Variants in MYO1E observed in about 807,000 individuals in gnomAD.
MYO1E encodes unconventional myosin-Ie.
Under a neutral mutation model 151.1 loss-of-function variants are expected in MYO1E, and 68 were observed. That is an observed-to-expected ratio of 0.45 (90% CI 0.37 to 0.55). MYO1E has a LOEUF of 0.55. Among genes scored for constraint, MYO1E ranks in the 20% least tolerant of loss-of-function variants. The pLI is 0.00. For synonymous variants in MYO1E, 601 were observed against 501.7 expected (o/e 1.20, Z -2.64); for missense variants, 1,363 against 1,389.3 (o/e 0.98, Z 0.30).
At chr15:59,169,292 A>C (rs764694787) in intron 22 of MYO1E, among the ~76,000 whole-genome samples, 20 of 152,256 alleles carry the variant, frequency 1.3e-4, no homozygotes, top group Non-Finnish European at 2.5e-4. Context: ...TTTTTCCTGA[A>C]GTACAAGCCA....
At chr15:59,141,564 C>T (rs1596338969) in intron 26 of MYO1E, among the ~76,000 whole-genome samples, 1 of 152,062 alleles carries the variant, frequency 6.6e-6, no homozygotes, top group Non-Finnish European at 1.5e-5. Flanking sequence ...CTTGGGAGGC[C>T]AAGGCGGGTG....
rs2140309257 is a variant in MYO1E at position 59,158,386 on chromosome 15, TAAAC to T, written c.2786-11_2786-8del. 1 of 1,550,610 alleles carries T rather than the reference TAAAC, an allele frequency of 6.4e-7. No homozygotes were observed. Among genetic ancestry groups the T allele is most frequent in the Non-Finnish European group, 8.7e-7 (1 of 1,144,264 alleles). On this transcript the variant is annotated splice_polypyrimidine_tract_variant and splice_region_variant and intron_variant, in intron 24 of 27. Coordinates refer to ENST00000288235, the MANE Select transcript of MYO1E (RefSeq NM_004998.4). ...GTGTTCCTTCTGGTAGGACCTGAAA[TAAAC>T]AAGACAAAGTTAAAACCAGTGCTAC... is the stretch of plus-strand genomic sequence containing the variant.
At position 59,178,385 on chromosome 15, in the gene MYO1E, G is replaced by A. The variant is rs774617133; in HGVS notation, c.2049+8C>T. 10 of 1,614,114 alleles carry A rather than the reference G, an allele frequency of 6.2e-6. No homozygotes were observed. Among genetic ancestry groups the A allele is most frequent in the Non-Finnish European group, 8.5e-6 (10 of 1,179,950 alleles). On this transcript the variant is annotated splice_region_variant and intron_variant, in intron 19 of 27. Coordinates refer to ENST00000288235, the MANE Select transcript of MYO1E (RefSeq NM_004998.4). ...GGGAAGAGAGTGGAGAGCCAGCCAA[G>A]CACTCACAGACTCGGGGGCTTTGAT...
At chr15:59,139,495 A>C (rs1196668317) in intron 26 of MYO1E, among the ~76,000 whole-genome samples, 58 of 81,368 alleles carry the variant, frequency 7.1e-4, no homozygotes, top group African/African-American at 1.4e-3. Context: ...CTTCTTTCCC[A>C]CCCCCTTATT....
chr15:59,183,793 T>C (rs1336908171), intron 18 of MYO1E, among the ~76,000 whole-genome samples: 1 of 152,148 alleles, frequency 6.6e-6, no homozygotes, highest in Non-Finnish European at 1.5e-5. Flanking sequence ...TTCTATTTTT[T>C]TGTATGCATT....
intron 7 of MYO1E, among the ~76,000 whole-genome samples, chr15:59,225,654 T>TC (rs1316722945): frequency 6.7e-5 from 10 of 150,236 alleles, no homozygotes; most frequent in Non-Finnish European, 3.0e-5. Flanking sequence ...TCTTTTCTTT[T>TC]TTTTTTTTTT....
rs777581453 is a variant in MYO1E at position 59,223,015 on chromosome 15, G to C, written c.910+44C>G. The C allele has an allele frequency of 6.8e-6, 11 of 1,612,498 alleles. 1 individual carries two copies. ...AAGTGCTAGGTTACTTCTAATCAGA[G>C]CTAGCCACCCCTCATTCAATGGCCA... On this transcript the variant is annotated intron_variant, in intron 9 of 27. Transcript: ENST00000288235.
At chr15:59,224,478 T>C (rs2079976404) in intron 8 of MYO1E, among the ~76,000 whole-genome samples, 1 of 152,198 alleles carries the variant, frequency 6.6e-6, no homozygotes, top group Non-Finnish European at 1.5e-5. Flanking sequence ...TCATTTCTTT[T>C]TACCCATCTC....
chr15:59,207,727 C>A (rs756717049), intron 14 of MYO1E: 1 of 1,614,100 alleles, frequency 6.2e-7, no homozygotes, highest in Non-Finnish European at 8.5e-7. Context: ...TTTGAAGGAT[C>A]TGAACTCTGA....
chr15:59,293,697 G>A (rs1250202129), intron 1 of MYO1E, among the ~76,000 whole-genome samples: 1 of 152,106 alleles, frequency 6.6e-6, no homozygotes, highest in South Asian at 2.1e-4. Context: ...GGTAAATGAA[G>A]CCCTCAAAAG....
chr15:59,230,863 G>A (rs8040324), intron 6 of MYO1E, among the ~76,000 whole-genome samples: 1,692 of 152,272 alleles, frequency 0.011, 30 homozygotes, highest in East Asian at 0.066. Flanking sequence ...AGATGGCTCC[G>A]TGAATGCTTT....
chr15:59,181,993 T>C (rs1373577225), intron 18 of MYO1E, among the ~76,000 whole-genome samples: 1 of 152,198 alleles, frequency 6.6e-6, no homozygotes, highest in Non-Finnish European at 1.5e-5. Flanking sequence ...GGACTCTGGA[T>C]GAATTCTGCA....
chr15:59,286,072 T>C (rs1027168047), intron 1 of MYO1E, among the ~76,000 whole-genome samples: 1 of 152,214 alleles, frequency 6.6e-6, no homozygotes, highest in African/African-American at 2.4e-5. Context: ...CAATTTCTTG[T>C]GACATAATAT....
chr15:59,181,216 T>C (rs2079656618), intron 18 of MYO1E, among the ~76,000 whole-genome samples: 1 of 152,134 alleles, frequency 6.6e-6, no homozygotes, highest in Admixed American at 6.5e-5. Flanking sequence ...CCCTTTATCA[T>C]CCCCACATTC....
chr15:59,154,558 C>G (rs1051267568), intron 25 of MYO1E, among the ~76,000 whole-genome samples: 2 of 152,174 alleles, frequency 1.3e-5, no homozygotes, highest in Non-Finnish European at 2.9e-5. Flanking sequence ...AGAAAGAGAA[C>G]AAGACTCTTC....
chr15:59,272,360 T>A lies in MYO1E; in HGVS notation c.93A>T (p.Thr31=). 1 of 1,614,102 alleles carries A rather than the reference T, an allele frequency of 6.2e-7. No individual in the cohort carries two copies. The highest frequency in any genetic ancestry group is 1.1e-5 in the South Asian group (1 of 91,082). The change falls in exon 2 of 28, where the codon ACA becomes ACT. Residue 31 remains threonine (T), a synonymous_variant. Coordinates refer to ENST00000288235, the MANE Select transcript of MYO1E (RefSeq NM_004998.4). ...TCAGATTCTCCACGATGGAGTTCTC[T>A]GTGATCTTGGACAGTAGCACCATGT... is the stretch of plus-strand genomic sequence containing the variant. The part of the protein sequence containing the change: ...VDDMVLLSKI[T]ENSIVENLKK...
intron 16 of MYO1E, among the ~76,000 whole-genome samples, chr15:59,201,728 T>G (rs76380374): frequency 1.1e-3 from 161 of 152,254 alleles, no homozygotes; most frequent in African/African-American, 3.7e-3. Context: ...TCAGTGTAAT[T>G]AAGTGTAAAC....
Position 59,136,849 on chromosome 15 carries a change from C to A in MYO1E, c.*531G>T. On this transcript the variant is annotated 3_prime_UTR_variant, in exon 28 of 28. Coordinates refer to ENST00000288235, the MANE Select transcript of MYO1E (RefSeq NM_004998.4). ...CTCTGTCGCCCTGGGCTCAGCAGGC[C>A]AGCTTACCCTTGGCACGTACATGGG... 2.2e-6 allele frequency: 1 copy of A among 444,850 alleles called. No individual in the cohort carries two copies. The highest frequency in any genetic ancestry group is 4.5e-6 in the Non-Finnish European group (1 of 220,056). 27.6% of individuals were successfully genotyped at this position (444,850 alleles called of 1,614,324 possible). A position where few individuals can be genotyped will look rare whatever the true frequency, so the allele number is the denominator to read the frequency against.
rs200354944 is a variant in MYO1E at position 59,137,504 on chromosome 15, T to C, written c.3251-48A>G. The C allele has an allele frequency of 2.7e-5, 41 of 1,502,608 alleles. No homozygotes were observed. The East Asian group carries it at 9.0e-4, about 33-fold the overall frequency. 93.1% of individuals were successfully genotyped at this position (1,502,608 alleles called of 1,614,324 possible). The stretch of plus-strand genomic sequence containing the variant: ...GAAGTGAAGATGAGAAAGTCTGTTC[T>C]GCCCCAGCCACACACACTCCGCTCC... On this transcript the variant is annotated intron_variant, in intron 27 of 27. Coordinates refer to ENST00000288235, the MANE Select transcript of MYO1E (RefSeq NM_004998.4).
Sources: gnomAD v4.1 joint callset for allele counts (sites outside exome capture counted in the v4.1 genomes callset) on GRCh38, gnomAD v4.1.1 for gene constraint, MANE v1.5 for transcripts, NCBI Gene and HGNC (gene_info 2026-07-23, HGNC 2026-07-21) for gene names.